BLTP1: variants seen among roughly 807,000 people sequenced by gnomAD.
BLTP1 encodes the protein fragile site-associated protein.
the BLTP1 span, among the ~76,000 whole-genome samples, chr4:122,283,710 G>A: frequency 2.6e-5 from 4 of 152,020 alleles, no homozygotes; most frequent in Non-Finnish European, 4.4e-5. Flanking sequence ...GGATTTCACT[G>A]TGTTGCCTAG....
the BLTP1 span, chr4:122,344,800 A>C: frequency 1.0e-6 from 1 of 984,858 alleles, no homozygotes; most frequent in Admixed American, 6.2e-5. Flanking sequence ...TAATTAAATC[A>C]GTAAAAGTTG....
chr4:122,286,671 G>C, the BLTP1 span: 2 of 1,613,942 alleles, frequency 1.2e-6, no homozygotes, highest in African/African-American at 2.7e-5. Flanking sequence ...CCATGTCAGG[G>C]AAATATATAA....
chr4:122,209,774 G>T, the BLTP1 span: 1 of 1,596,270 alleles, frequency 6.3e-7, no homozygotes, highest in Admixed American at 1.8e-5. Context: ...TACAATTAAA[G>T]GAATGAGTAT....
the BLTP1 span, chr4:122,152,356 AC>A: frequency 4.1e-6 from 4 of 984,580 alleles, no homozygotes; most frequent in Non-Finnish European, 4.8e-6. Flanking sequence ...CTCGGTTGGG[AC>A]CCCTCCCCTC....
the BLTP1 span, chr4:122,167,698 A>G: frequency 2.0e-6 from 2 of 985,200 alleles, no homozygotes; most frequent in South Asian, 9.4e-5. Flanking sequence ...CTACTCCACA[A>G]GCTTGTCCGT....
the BLTP1 span, chr4:122,207,487 A>G: frequency 1.3e-6 from 2 of 1,513,652 alleles, no homozygotes; most frequent in Non-Finnish European, 1.8e-6. Flanking sequence ...AATTTAATGG[A>G]CATTAAAAGT....
chr4:122,170,384 G>T, the BLTP1 span: 1 of 979,316 alleles, frequency 1.0e-6, no homozygotes, highest in East Asian at 1.1e-4. Context: ...ACCTTAGTTA[G>T]TGCTTACATT....
At chr4:122,243,990 A>G in the BLTP1 span, 1 of 1,607,274 alleles carries the variant, frequency 6.2e-7, no homozygotes, top group East Asian at 2.2e-5. Flanking sequence ...AACTGTTGAT[A>G]TTGTTTTGAC....
At chr4:122,245,101 G>C in the BLTP1 span, 2 of 1,610,640 alleles carry the variant, frequency 1.2e-6, no homozygotes, top group Non-Finnish European at 1.7e-6. Context: ...AAGTCCTCAG[G>C]GAAGCTGTCC....
the BLTP1 span, among the ~76,000 whole-genome samples, chr4:122,288,251 A>G: frequency 2.0e-5 from 3 of 152,246 alleles, no homozygotes; most frequent in South Asian, 2.1e-4. Flanking sequence ...TTAACTGGGT[A>G]TCTCTGATGA....
At chr4:122,237,906 C>A in the BLTP1 span, 9 of 238,286 alleles carry the variant, frequency 3.8e-5, no homozygotes, top group Admixed American at 4.7e-4. Flanking sequence ...TCTCTTGAAC[C>A]CGGGAGGCAG....
chr4:122,331,213 C>G, the BLTP1 span: 1 of 1,434,688 alleles, frequency 7.0e-7, no homozygotes, highest in Non-Finnish European at 9.1e-7. Context: ...TGTGAATTTA[C>G]AAAATAGTAA....
chr4:122,335,669 C>T, the BLTP1 span, among the ~76,000 whole-genome samples: 24 of 152,172 alleles, frequency 1.6e-4, no homozygotes, highest in Non-Finnish European at 1.9e-4. Flanking sequence ...TGGATTTGAA[C>T]AACTAATAAA....
chr4:122,353,955 C>G, the BLTP1 span: 1 of 1,613,348 alleles, frequency 6.2e-7, no homozygotes, highest in Non-Finnish European at 8.5e-7. This position sits in a 1 kb window ranked among gnomAD's most constrained non-coding sequence, Gnocchi z 4.3. Context: ...CATGAAAATC[C>G]ACCCCATGGA....
chr4:122,188,046 T>C, the BLTP1 span: 1 of 1,567,076 alleles, frequency 6.4e-7, no homozygotes, highest in Admixed American at 1.9e-5. Flanking sequence ...GTTCGAGTCA[T>C]GCTTGTTCCT....
the BLTP1 span, among the ~76,000 whole-genome samples, chr4:122,294,120 C>A: frequency 1.3e-5 from 2 of 152,072 alleles, no homozygotes; most frequent in Admixed American, 1.3e-4. Context: ...ACTCTGATCT[C>A]TCCCTGGGGG....
chr4:122,158,524 T>C, the BLTP1 span, among the ~76,000 whole-genome samples: 1 of 152,136 alleles, frequency 6.6e-6, no homozygotes. Flanking sequence ...TCCTAGCACT[T>C]TGGGAGGCTG....
chr4:122,244,951 A>AT, the BLTP1 span: 4 of 1,546,894 alleles, frequency 2.6e-6, no homozygotes, highest in Non-Finnish European at 3.5e-6. Flanking sequence ...GTTTCATGAT[A>AT]TGTTTACATA....
the BLTP1 span, chr4:122,331,223 A>G: frequency 6.9e-7 from 1 of 1,445,616 alleles, no homozygotes; most frequent in South Asian, 1.5e-5. Flanking sequence ...CAAAATAGTA[A>G]AATTTATTTA....
Sources: allele counts gnomAD v4.1 joint callset (sites outside exome capture counted in the v4.1 genomes callset), GRCh38; gene constraint gnomAD v4.1.1; non-coding constraint Gnocchi (gnomAD v3.1); transcripts MANE v1.5; gene names NCBI Gene and HGNC (gene_info 2026-07-23, HGNC 2026-07-21).